The following HTR1F variants were observed in gnomAD, a reference collection of about 807,000 sequenced individuals.
The protein encoded by HTR1F is 5-hydroxytryptamine receptor 1F.
A neutral mutation model predicts 24.0 loss-of-function variants in HTR1F; 17 were observed. The observed-to-expected ratio is 0.71, with a 90% CI of 0.48 to 1.06. The LOEUF (loss-of-function observed/expected upper bound fraction) is 1.06, where lower values mean the gene tolerates loss of function less well. Among genes scored for constraint, HTR1F ranks in the 50% least tolerant of loss-of-function variants. HTR1F has a pLI of 0.00. For missense variants in HTR1F, 391 were observed against 427.8 expected (o/e 0.91, Z 0.76); for synonymous variants, 186 against 156.8 (o/e 1.19, Z -1.39).
rs117478608 is a variant in HTR1F at position 87,971,866 on chromosome 3, A to T, written c.-42-18842A>T. On this transcript the variant is annotated intron_variant, in intron 2 of 2. Transcript: ENST00000319595. ...TGCTTTGTTCATTTTATGTATATACAATAATTTATTTGCCTACTTCTACTG... is the reference window on the plus strand; with the variant it reads ...TGCTTTGTTCATTTTATGTATATACTATAATTTATTTGCCTACTTCTACTG... Among the ~76,000 whole-genome samples, 6 of 152,344 alleles carry T rather than the reference A, an allele frequency of 3.9e-5. No homozygotes were observed. In the East Asian group the frequency reaches 1.2e-3, roughly 29 times the overall value.
At chr3:87,879,675 A>C (rs997344181) in intron 2 of HTR1F, among the ~76,000 whole-genome samples, 1 of 152,202 alleles carries the variant, frequency 6.6e-6, no homozygotes, top group Non-Finnish European at 1.5e-5. Flanking sequence ...CAAATTTTTC[A>C]TGATTTTATT....
intron 2 of HTR1F, among the ~76,000 whole-genome samples, chr3:87,898,257 T>TA (rs34642752): frequency 0.11 from 16,876 of 152,160 alleles, 1,159 homozygotes; most frequent in Non-Finnish European, 0.16. Flanking sequence ...TGTGCAATCT[T>TA]AGAGTTGTGG....
chr3:87,794,896 A>T (rs555385535), intron 1 of HTR1F, among the ~76,000 whole-genome samples: 3 of 151,810 alleles, frequency 2.0e-5, no homozygotes, highest in African/African-American at 7.3e-5. Context: ...AATTAAAATT[A>T]TACACATACT....
At chr3:87,848,408 G>C (rs1288102947) in intron 2 of HTR1F, among the ~76,000 whole-genome samples, 9 of 151,442 alleles carry the variant, frequency 5.9e-5, no homozygotes, top group Non-Finnish European at 1.3e-4. Context: ...TGTACATTTT[G>C]GATATTCCAT....
At chr3:87,939,040 A>G (rs575389902) in intron 2 of HTR1F, among the ~76,000 whole-genome samples, 1 of 152,364 alleles carries the variant, frequency 6.6e-6, no homozygotes, top group Non-Finnish European at 1.5e-5. Context: ...ACAAAGATCT[A>G]ATATCCAGCA....
chr3:87,829,593 G>A (rs75185394), intron 2 of HTR1F, among the ~76,000 whole-genome samples: 26,340 of 152,114 alleles, frequency 0.17, 2,586 homozygotes, highest in East Asian at 0.37. Context: ...ACTGTCCTGA[G>A]GGACTTAAGG....
intron 2 of HTR1F, among the ~76,000 whole-genome samples, chr3:87,959,975 T>A (rs1705026381): frequency 6.6e-6 from 1 of 152,018 alleles, no homozygotes; most frequent in Non-Finnish European, 1.5e-5. Flanking sequence ...GTTGGGCTTG[T>A]TGAATAAATA....
In HTR1F at chr3:87,883,640, G is replaced by C. The variant is rs1238746458; in HGVS notation, c.-43+61516G>C. ...ATGGCTAACTAGAATAAACAGTGTA[G>C]AGAAGACCTTGACCTGATGGAGCTG... On this transcript the variant is annotated intron_variant, in intron 2 of 2. Coordinates refer to ENST00000319595, the MANE Select transcript of HTR1F (RefSeq NM_001322209.2). 2.0e-5 allele frequency among the ~76,000 whole-genome samples: 3 copies of C among 152,174 alleles called. No homozygotes were observed. In the East Asian group the frequency reaches 5.8e-4, roughly 29 times the overall value.
At chr3:87,974,260 C>T (rs1481442401) in intron 2 of HTR1F, among the ~76,000 whole-genome samples, 2 of 152,144 alleles carry the variant, frequency 1.3e-5, no homozygotes, top group Non-Finnish European at 2.9e-5. Flanking sequence ...ATGCTGAATC[C>T]TCCCTCAGCT....
At chr3:87,976,008 TA>T (rs1705388307) in intron 2 of HTR1F, among the ~76,000 whole-genome samples, 1 of 152,334 alleles carries the variant, frequency 6.6e-6, no homozygotes, top group African/African-American at 2.4e-5. Context: ...GAGTGCCCGA[TA>T]AATGTCAGTA....
intron 2 of HTR1F, among the ~76,000 whole-genome samples, chr3:87,935,432 A>G (rs1397382982): frequency 6.6e-6 from 1 of 152,108 alleles, no homozygotes; most frequent in African/African-American, 2.4e-5. Flanking sequence ...TTTTACCTAA[A>G]TAATTCCACC....
chr3:87,937,636 A>T (rs1031364996), intron 2 of HTR1F, among the ~76,000 whole-genome samples: 3 of 152,098 alleles, frequency 2.0e-5, no homozygotes, highest in Non-Finnish European at 4.4e-5. Flanking sequence ...TAAAAGAAAG[A>T]AATAGGGCCA....
intron 2 of HTR1F, among the ~76,000 whole-genome samples, chr3:87,926,054 C>A (rs905751793): frequency 6.6e-6 from 1 of 152,182 alleles, no homozygotes; most frequent in Non-Finnish European, 1.5e-5. Flanking sequence ...TTCCTAAAAG[C>A]AGATACATTT....
chr3:87,840,321 A>G (rs1247978149), intron 2 of HTR1F, among the ~76,000 whole-genome samples: 1 of 152,190 alleles, frequency 6.6e-6, no homozygotes, highest in Non-Finnish European at 1.5e-5. Context: ...CAACAGATAT[A>G]TGGAAAAATG....
At chr3:87,978,050 G>T (rs949143631) in intron 2 of HTR1F, among the ~76,000 whole-genome samples, 3 of 152,214 alleles carry the variant, frequency 2.0e-5, no homozygotes, top group Non-Finnish European at 4.4e-5. Flanking sequence ...CACACAGCCA[G>T]GCAAGCTGGC....
At chr3:87,920,465 A>C (rs1419595496) in intron 2 of HTR1F, among the ~76,000 whole-genome samples, 1 of 151,904 alleles carries the variant, frequency 6.6e-6, no homozygotes, top group Non-Finnish European at 1.5e-5. Flanking sequence ...ATTTAAGAAA[A>C]ATATTCTGCA....
chr3:87,865,245 C>T (rs547241575), intron 2 of HTR1F, among the ~76,000 whole-genome samples: 211 of 152,156 alleles, frequency 1.4e-3, no homozygotes, highest in Non-Finnish European at 2.2e-3. Context: ...CATTTTATTT[C>T]ATAATAACTC....
intron 1 of HTR1F, among the ~76,000 whole-genome samples, chr3:87,818,713 C>T (rs752632680): frequency 4.6e-5 from 7 of 152,166 alleles, no homozygotes; most frequent in Non-Finnish European, 7.4e-5. Context: ...AGTCTAGAGG[C>T]CAAACCCTTG....
chr3:87,902,615 T>C (rs1258419777), intron 2 of HTR1F, among the ~76,000 whole-genome samples: 3 of 152,098 alleles, frequency 2.0e-5, no homozygotes, highest in Non-Finnish European at 4.4e-5. Flanking sequence ...ATCATTATTA[T>C]ACTTTAAGTT....
Sources: allele counts gnomAD v4.1 joint callset (sites outside exome capture counted in the v4.1 genomes callset), GRCh38; gene constraint gnomAD v4.1.1; transcripts MANE v1.5; gene names NCBI Gene and HGNC (gene_info 2026-07-23, HGNC 2026-07-21).